CEP63: variants seen among roughly 807,000 people sequenced by gnomAD.
The protein encoded by CEP63 is centrosomal protein of 63 kDa.
In CEP63, 84 loss-of-function variants were observed where a neutral mutation model predicts 89.1. The ratio of observed to expected loss-of-function variants is 0.94; its 90% CI spans 0.79 to 1.13. The LOEUF is 1.13. Ranked by LOEUF, CEP63 falls within the 50% of genes most tolerant of loss-of-function variation. CEP63 has a pLI of 0.00. For synonymous variants in CEP63, 267 were observed against 272.5 expected, an observed-to-expected ratio of 0.98 and a Z score of 0.20; for missense variants, 838 against 813.3, an observed-to-expected ratio of 1.03 and a Z score of -0.37.
chr3:134,707,070 C>T, the CEP63 span, among the ~76,000 whole-genome samples: 2 of 152,180 alleles, frequency 1.3e-5, no homozygotes, highest in African/African-American at 4.8e-5. Flanking sequence ...AGGACTTGAA[C>T]ATATCTTTTT....
the CEP63 span, among the ~76,000 whole-genome samples, chr3:134,665,702 C>G: frequency 0.7 from 70,422 of 99,904 alleles, 23,464 homozygotes; most frequent in East Asian, 0.87. Context: ...CACACACACA[C>G]AGAGAGAGAG....
intron 10 of CEP63, among the ~76,000 whole-genome samples, chr3:134,581,027 C>A (rs1958333083): frequency 3.9e-5 from 1 of 25,906 alleles, no homozygotes; most frequent in South Asian, 1.3e-3. Context: ...AAGGACTCCA[C>A]TGGCCATTGG....
chr3:134,604,070 C>T, the CEP63 span: 53 of 1,613,878 alleles, frequency 3.3e-5, no homozygotes, highest in South Asian at 5.2e-4. Flanking sequence ...GGGCCATCAT[C>T]CCCGTGGAGG....
the CEP63 span, among the ~76,000 whole-genome samples, chr3:134,737,108 A>G: frequency 8.8e-4 from 134 of 152,358 alleles, 2 homozygotes; most frequent in Middle Eastern, 0.02. Flanking sequence ...TTATAGGGAT[A>G]TAAAGTGAAA....
chr3:134,649,497 T>A, the CEP63 span, among the ~76,000 whole-genome samples: 1 of 152,146 alleles, frequency 6.6e-6, no homozygotes, highest in Admixed American at 6.5e-5. Context: ...TTCAGAGCAG[T>A]CTCATTTCTA....
chr3:134,576,086 T>C (rs1024170969), downstream of CEP63, among the ~76,000 whole-genome samples: 1 of 152,186 alleles, frequency 6.6e-6, no homozygotes, highest in Non-Finnish European at 1.5e-5. Context: ...CAGGTGTAAA[T>C]ATAATTGTTT....
In CEP63 at chr3:134,564,934, T is replaced by A. The variant is rs1560067151; in HGVS notation, c.*3399T>A. The A allele has an allele frequency of 1.0e-6, 1 of 983,168 alleles. No individual in the cohort carries two copies. Among genetic ancestry groups the A allele is most frequent in the Non-Finnish European group, 1.2e-6 (1 of 827,856 alleles). The allele number at this position is 983,168 out of a possible 1,614,324, so 60.9% of individuals were successfully genotyped here. On this transcript the variant is annotated 3_prime_UTR_variant, in exon 15 of 15. Coordinates refer to ENST00000675561, the MANE Select transcript of CEP63 (RefSeq NM_001353108.3). ...GCTGAAGTATCTAATAGTTAATGGG[T>A]TGTCCAAATTTGTCAGAACATTTGA... is the stretch of plus-strand genomic sequence containing the variant.
chr3:134,708,999 A>G, the CEP63 span, among the ~76,000 whole-genome samples: 1 of 152,210 alleles, frequency 6.6e-6, no homozygotes, highest in Admixed American at 6.5e-5. Context: ...CTGTCTTCAT[A>G]GGGGTTGTCA....
At chr3:134,726,313 C>A in the CEP63 span, among the ~76,000 whole-genome samples, 1 of 152,272 alleles carries the variant, frequency 6.6e-6, no homozygotes, top group Admixed American at 6.5e-5. Context: ...GGCCACTGTG[C>A]ACATTAGTAA....
chr3:134,746,876 TG>T, the CEP63 span, among the ~76,000 whole-genome samples: 3 of 152,252 alleles, frequency 2.0e-5, no homozygotes, highest in Non-Finnish European at 4.4e-5. Flanking sequence ...TTCTGTAGGT[TG>T]CCTGTTCACT....
chr3:134,507,714 A>C (rs936320740), intron 3 of CEP63, among the ~76,000 whole-genome samples: 1 of 150,588 alleles, frequency 6.6e-6, no homozygotes, highest in Non-Finnish European at 1.5e-5. Context: ...GAGAATCTTT[A>C]AAAAAAAACA....
At chr3:134,497,282 G>A (rs942279147) in intron 2 of CEP63, among the ~76,000 whole-genome samples, 4 of 152,122 alleles carry the variant, frequency 2.6e-5, no homozygotes, top group Non-Finnish European at 4.4e-5. Flanking sequence ...GGTCCCAATT[G>A]TCGGTTTTTG....
rs548143889 is a variant in CEP63, at chr3:134,537,395, T to C, written c.555+127T>C. ...TCTCTCCACGAACCCTGCTCTCTTG[T>C]TTAGGAAGCCTCTCCTCAGCATCTA... is the stretch of plus-strand genomic sequence containing the variant. On this transcript the variant is annotated intron_variant, in intron 6 of 14. Coordinates refer to ENST00000675561, the MANE Select transcript of CEP63 (RefSeq NM_001353108.3). 2.3e-4 allele frequency: 159 copies of C among 689,324 alleles called. No individual in the cohort carries two copies. In the African/African-American group the frequency reaches 2.5e-3, roughly 11 times the overall value. 42.7% of individuals were successfully genotyped at this position (689,324 alleles called of 1,614,324 possible). A position where few individuals can be genotyped will look rare whatever the true frequency, so the allele number is the denominator to read the frequency against.
Position 134,559,328 on chromosome 3 carries a change from T to C in CEP63, c.1852T>C (p.Cys618Arg), listed in dbSNP as rs763876095. ...STRSLTSYSL[C>R]KTHSLPSALD... ...CAGGTCTTTGACTTCCTACTCTCTA[T>C]GTAAAACTCATTCTTTGCCTTCAGC... is the stretch of plus-strand genomic sequence containing the variant. The change falls in exon 14 of 15, where the codon TGT (cysteine) becomes CGT (arginine). Residue 618 changes from cysteine (C) to arginine (R), a missense_variant. Physicochemically the swap from Cys to Arg is radical, Grantham distance 180. Transcript: ENST00000675561. 2 of 1,614,046 alleles carry C rather than the reference T, an allele frequency of 1.2e-6. No homozygotes were observed. The highest frequency in any genetic ancestry group is 4.5e-5 in the East Asian group (2 of 44,886).
intron 3 of CEP63, among the ~76,000 whole-genome samples, chr3:134,507,761 G>A (rs918083510): frequency 2.0e-5 from 3 of 152,024 alleles, no homozygotes; most frequent in Non-Finnish European, 4.4e-5. Context: ...AATTAGAGGA[G>A]AAGAAAGAAA....
At chr3:134,775,605 A>G in the CEP63 span, among the ~76,000 whole-genome samples, 1 of 152,138 alleles carries the variant, frequency 6.6e-6, no homozygotes, top group Non-Finnish European at 1.5e-5. Context: ...AGCCCCAGAG[A>G]GTCCAATACG....
At chr3:134,752,785 A>C in the CEP63 span, among the ~76,000 whole-genome samples, 35 of 152,226 alleles carry the variant, frequency 2.3e-4, no homozygotes, top group Non-Finnish European at 3.5e-4. Flanking sequence ...ATTAAAATTC[A>C]GGGCTGACAA....
At chr3:134,500,103 G>A (rs569849726) in intron 2 of CEP63, among the ~76,000 whole-genome samples, 222 of 152,248 alleles carry the variant, frequency 1.5e-3, no homozygotes, top group African/African-American at 5.0e-3. Flanking sequence ...TGGGATTACA[G>A]GTGTGAGCCA....
upstream of CEP63, chr3:134,485,965 C>T (rs1329494727): frequency 6.1e-6 from 6 of 975,678 alleles, no homozygotes; most frequent in East Asian, 1.2e-4. Flanking sequence ...CACCCGGCCA[C>T]CGCGGCAGAC....
Sources: allele counts gnomAD v4.1 joint callset (sites outside exome capture counted in the v4.1 genomes callset), GRCh38; gene constraint gnomAD v4.1.1; transcripts MANE v1.5; gene names NCBI Gene and HGNC (gene_info 2026-07-23, HGNC 2026-07-21).